SP140: variants seen among roughly 807,000 people sequenced by gnomAD.
SP140 encodes nuclear body protein SP140.
In SP140, 81 loss-of-function variants were observed where a neutral mutation model predicts 125.0. The observed-to-expected ratio is 0.65, with a 90% confidence interval of 0.54 to 0.78. The LOEUF is 0.78. Among genes scored for constraint, SP140 ranks in the 30% least tolerant of loss-of-function variants. The pLI, the probability that SP140 is intolerant of heterozygous loss-of-function variation, is 0.00. For synonymous variants in SP140, 312 were observed against 354.0 expected (o/e 0.88, Z 1.33); for missense variants, 858 against 1,037.0 (o/e 0.83, Z 2.37).
At chr2:230,195,997 C>G in the SP140 span, among the ~76,000 whole-genome samples, 1 of 152,026 alleles carries the variant, frequency 6.6e-6, no homozygotes, top group Non-Finnish European at 1.5e-5. Flanking sequence ...GAAATCATCT[C>G]TATATTACTA....
chr2:230,209,791 A>G (rs550896121), intron 1 of SP140: 200 of 710,696 alleles, frequency 2.8e-4, no homozygotes, highest in Non-Finnish European at 4.5e-4. Flanking sequence ...GATGCAGCAA[A>G]TGGAAACTGC....
At chr2:230,281,036 A>G (rs1033351960) in intron 15 of SP140, among the ~76,000 whole-genome samples, 19 of 152,184 alleles carry the variant, frequency 1.2e-4, no homozygotes, top group African/African-American at 4.1e-4. Flanking sequence ...TGATTACTAT[A>G]TTATTTCCTG....
intron 12 of SP140, among the ~76,000 whole-genome samples, chr2:230,266,369 GA>G (rs1309395888): frequency 6.6e-6 from 1 of 152,160 alleles, no homozygotes; most frequent in Non-Finnish European, 1.5e-5. Context: ...GAGTATAATA[GA>G]GGTGACCTAT....
rs2049930852 is a variant in SP140 at position 230,248,934 on chromosome 2, G to A, written c.942G>A (p.Glu314=). ...AAGTCACTAATGAAGGAGAACCAGA[G>A]AAGGGGCTCTGTCTACTACCAGGTG... The part of the protein sequence containing the change: ...TPQVTNEGEP[E]KGLCLLPGEG... The change falls in exon 9 of 27, where the codon GAG becomes GAA. Residue 314 remains glutamate, a synonymous_variant. Transcript: ENST00000392045. 2 of 1,612,574 alleles carry A rather than the reference G, an allele frequency of 1.2e-6. No individual in the cohort carries two copies. Among genetic ancestry groups the A allele is most frequent in the Non-Finnish European group, 1.7e-6 (2 of 1,178,662 alleles).
At chr2:230,290,616 A>G in intron 19 of SP140, 52 bp downstream of exon 19, 6 of 1,397,380 alleles carry the variant, frequency 4.3e-6, no homozygotes, top group Non-Finnish European at 6.0e-6. Context: ...AGGCATCACA[A>G]GTAGTGGGGA....
intron 3 of SP140, chr2:230,238,728 T>C (rs899044623): frequency 1.4e-6 from 2 of 1,459,418 alleles, no homozygotes; most frequent in Non-Finnish European, 1.9e-6. Flanking sequence ...TTTGCAGATA[T>C]GTTCAAAGAT....
At chr2:230,245,628 A>G (rs2049325167) in intron 6 of SP140, among the ~76,000 whole-genome samples, 1 of 152,122 alleles carries the variant, frequency 6.6e-6, no homozygotes, top group Non-Finnish European at 1.5e-5. Context: ...TTTATGGTGC[A>G]GATGCAGCAA....
At chr2:230,201,164 G>A (rs61182521), upstream of SP140, among the ~76,000 whole-genome samples, 22,930 of 152,136 alleles carry the variant, frequency 0.15, 2,131 homozygotes, top group South Asian at 0.27. Flanking sequence ...GGAGCAGACC[G>A]CAGTTGGTTA....
intron 22 of SP140, among the ~76,000 whole-genome samples, chr2:230,308,720 A>T (rs1212221267): frequency 1.3e-5 from 2 of 152,228 alleles, no homozygotes; most frequent in African/African-American, 4.8e-5. Flanking sequence ...CTATTCAAAA[A>T]TACGCAGAAG....
At chr2:230,255,623 G>C in intron 12 of SP140, 91 bp downstream of exon 12, 1 of 1,106,190 alleles carries the variant, frequency 9.0e-7, no homozygotes, top group Admixed American at 1.8e-5. Flanking sequence ...ACTTTCCTCT[G>C]CATATACCTC....
chr2:230,235,978 G>A (rs1023481243), intron 1 of SP140, among the ~76,000 whole-genome samples: 2 of 142,522 alleles, frequency 1.4e-5, no homozygotes, highest in East Asian at 2.2e-4. Flanking sequence ...CTGGGTTCAC[G>A]CCATTCTCCT....
chr2:230,248,978 AT>A lies in SP140; in HGVS notation c.976+13del. On this transcript the variant is annotated intron_variant, in intron 9 of 26. Transcript: ENST00000392045. Reference sequence around the variant, plus strand: ...CCAGGTGAAGGAGAAGGTAATTATGATTTAAGTTTTTAAATATTTGAGTACA... The same window carrying A: ...CCAGGTGAAGGAGAAGGTAATTATGATTAAGTTTTTAAATATTTGAGTACA... The A allele has an allele frequency of 6.3e-7, 1 of 1,599,858 alleles. No individual in the cohort carries two copies. Among genetic ancestry groups the A allele is most frequent in the Non-Finnish European group, 8.6e-7 (1 of 1,169,146 alleles).
chr2:230,244,329 T>C (rs781678931), intron 5 of SP140, among the ~76,000 whole-genome samples: 2 of 152,198 alleles, frequency 1.3e-5, no homozygotes, highest in Non-Finnish European at 2.9e-5. Context: ...AAAGTAGAAG[T>C]AGAAGCATAG....
At chr2:230,261,374 G>T (rs2052206653) in intron 12 of SP140, among the ~76,000 whole-genome samples, 1 of 152,042 alleles carries the variant, frequency 6.6e-6, no homozygotes. Flanking sequence ...GGGTTTTCAA[G>T]GTATACAGTC....
rs898862516 is a variant in SP140, at chr2:230,245,214, G to C, written c.664+134G>C. ...CAGCCTGTGGTTGTTTTCCCCAGGT[G>C]TGTGGGAGGCAAGAGGTAAAGGACG... On this transcript the variant is annotated intron_variant, in intron 6 of 26. Transcript: ENST00000392045. The C allele has an allele frequency of 5.0e-6, 3 of 605,602 alleles. No individual in the cohort carries two copies. The African/African-American group carries it at 5.6e-5, about 11-fold the overall frequency. The allele number at this position is 605,602 out of a possible 1,614,324, so 37.5% of individuals were successfully genotyped here. A position where few individuals can be genotyped will look rare whatever the true frequency, so the allele number is the denominator to read the frequency against.
chr2:230,231,913 G>A (rs1413915466), intron 1 of SP140, among the ~76,000 whole-genome samples: 2 of 152,058 alleles, frequency 1.3e-5, no homozygotes, highest in African/African-American at 4.8e-5. Context: ...GTTTCACCAT[G>A]TTGGCCAGGC....
At chr2:230,222,042 A>T (rs2045861375), upstream of SP140, among the ~76,000 whole-genome samples, 1 of 152,216 alleles carries the variant, frequency 6.6e-6, no homozygotes, top group African/African-American at 2.4e-5. Context: ...AGCCTTGCCA[A>T]CATGGCAAAA....
At chr2:230,212,834 C>G in intron 1 of SP140, 1 of 1,614,080 alleles carries the variant, frequency 6.2e-7, no homozygotes, top group Non-Finnish European at 8.5e-7. Flanking sequence ...GCGACTCACT[C>G]AGGATCTCAT....
Position 230,299,447 on chromosome 2 carries a change from G to A in SP140, c.2058+1985G>A, listed in dbSNP as rs115588550. On this transcript the variant is annotated intron_variant, in intron 22 of 26. Coordinates refer to ENST00000392045, the MANE Select transcript of SP140 (RefSeq NM_007237.5). ...GTGCCTTCCCCAAGGATCCCTATAAGCATTTCAGTCCCCAGGGAAGCCATT... is the reference window on the plus strand; with the variant it reads ...GTGCCTTCCCCAAGGATCCCTATAAACATTTCAGTCCCCAGGGAAGCCATT... Among the ~76,000 whole-genome samples, 899 of 152,280 alleles carry A rather than the reference G, an allele frequency of 5.9e-3. 5 individuals are homozygous for A. The highest frequency in any genetic ancestry group is 0.02 in the African/African-American group (844 of 41,544).
Sources: gnomAD v4.1 joint callset for allele counts (sites outside exome capture counted in the v4.1 genomes callset) on GRCh38, gnomAD v4.1.1 for gene constraint, MANE v1.5 for transcripts, NCBI Gene and HGNC (gene_info 2026-07-23, HGNC 2026-07-21) for gene names.